The following PDE4D variants were observed in gnomAD, a reference collection of about 807,000 sequenced individuals.
The protein encoded by PDE4D is phosphodiesterase 4D.
A neutral mutation model predicts 87.4 loss-of-function variants in PDE4D; 24 were observed. The observed-to-expected ratio is 0.27, with a 90% CI of 0.20 to 0.39. The LOEUF is 0.39. PDE4D is among the 10% of genes least tolerant of loss of function. PDE4D has a pLI of 1.00. For missense variants in PDE4D, 714 were observed against 1,041.0 expected (o/e 0.69, Z 4.32); for synonymous variants, 384 against 383.2 (o/e 1.00, Z -0.02).
chr5:59,036,380 A>G lies in PDE4D; in HGVS notation c.921+2479T>C, dbSNP rs139802647. On this transcript the variant is annotated intron_variant, in intron 6 of 14. Coordinates refer to ENST00000340635, the MANE Select transcript of PDE4D (RefSeq NM_001104631.2). ...TCAGTTTGAACACGTGTATGTAAAA[A>G]GAATGGATGGTAATAAAACTAACAA... is the stretch of plus-strand genomic sequence containing the variant. Among the ~76,000 whole-genome samples the G allele has an allele frequency of 8.8e-3, 1,348 of 152,374 alleles. 15 individuals are homozygous for G. The highest frequency in any genetic ancestry group is 0.012 in the Non-Finnish European group (828 of 68,036).
chr5:60,429,017 C>A (rs888954649), intron 1 of PDE4D, among the ~76,000 whole-genome samples: 1 of 152,138 alleles, frequency 6.6e-6, no homozygotes, highest in Non-Finnish European at 1.5e-5. Context: ...TGATTATTGT[C>A]CCAATGTGAC....
chr5:59,557,426 T>C (rs1275742095), intron 1 of PDE4D, among the ~76,000 whole-genome samples: 2 of 152,176 alleles, frequency 1.3e-5, no homozygotes, highest in Non-Finnish European at 2.9e-5. Flanking sequence ...CTAGAATCTT[T>C]ATATGCCACC....
intron 1 of PDE4D, among the ~76,000 whole-genome samples, chr5:60,257,771 C>A (rs1749246028): frequency 6.6e-6 from 1 of 151,960 alleles, no homozygotes; most frequent in Admixed American, 6.6e-5. Flanking sequence ...GCAATCCCAG[C>A]TGCAGAAGGA....
intron 2 of PDE4D, among the ~76,000 whole-genome samples, chr5:60,180,349 A>G (rs1470276232): frequency 6.6e-6 from 1 of 152,182 alleles, no homozygotes; most frequent in African/African-American, 2.4e-5. Flanking sequence ...TTTCTGCAAC[A>G]ATGAGCATAA....
chr5:60,440,314 A>G (rs1745101644), intron 1 of PDE4D, among the ~76,000 whole-genome samples: 1 of 152,162 alleles, frequency 6.6e-6, no homozygotes, highest in Non-Finnish European at 1.5e-5. Context: ...TTATGTTTGG[A>G]GAACTTTCCT....
intron 3 of PDE4D, among the ~76,000 whole-genome samples, chr5:59,965,250 T>A (rs895301014): frequency 6.6e-6 from 1 of 152,114 alleles, no homozygotes; most frequent in Non-Finnish European, 1.5e-5. Flanking sequence ...AACCATGCTG[T>A]TAATTCCTCA....
rs1299544063 is a variant in PDE4D, at chr5:60,362,985, G to T, written c.-90+124957C>A. Among the ~76,000 whole-genome samples, 4 of 152,212 alleles carry T rather than the reference G, an allele frequency of 2.6e-5. No individual in the cohort carries two copies. The East Asian group carries it at 7.7e-4, about 29-fold the overall frequency. On this transcript the variant is annotated intron_variant, in intron 1 of 16. Transcript: ENST00000502484. ...TATATGAGTAACCACAGAGTTTCAG[G>T]GTTTAAAAACTGTCTCTAGCTGTGC...
intron 2 of PDE4D, among the ~76,000 whole-genome samples, chr5:60,184,493 C>G (rs987392500): frequency 6.6e-6 from 1 of 152,070 alleles, no homozygotes; most frequent in Non-Finnish European, 1.5e-5. Context: ...AAACACCAAC[C>G]AGTAAAACAC....
intron 1 of PDE4D, among the ~76,000 whole-genome samples, chr5:60,243,539 T>A (rs563187587): frequency 6.6e-6 from 1 of 152,140 alleles, no homozygotes; most frequent in East Asian, 1.9e-4. Context: ...ATATCACTGA[T>A]GAATATTGAT....
At chr5:59,356,889 A>G in intron 1 of PDE4D, 1 of 1,509,368 alleles carries the variant, frequency 6.6e-7, no homozygotes, top group Non-Finnish European at 8.7e-7. Context: ...ACGAGAAGTC[A>G]GAGCTGGTGC....
At chr5:59,927,771 T>C (rs1755450675) in intron 3 of PDE4D, among the ~76,000 whole-genome samples, 1 of 152,210 alleles carries the variant, frequency 6.6e-6, no homozygotes, top group Non-Finnish European at 1.5e-5. Flanking sequence ...AAAACAAAAC[T>C]GCAAGCTGAT....
intron 1 of PDE4D, among the ~76,000 whole-genome samples, chr5:59,337,780 A>G (rs1374068350): frequency 1.3e-5 from 2 of 152,154 alleles, no homozygotes; most frequent in East Asian, 1.9e-4. Flanking sequence ...TGATTTCACA[A>G]TGTCACGTTG....
intron 1 of PDE4D, among the ~76,000 whole-genome samples, chr5:60,506,366 A>C (rs1181769646): frequency 3.3e-5 from 5 of 152,240 alleles, no homozygotes; most frequent in Non-Finnish European, 5.9e-5. Context: ...ACTTTGGGAA[A>C]TCCCAAAAAG....
chr5:59,859,312 T>C (rs1350121282), intron 1 of PDE4D, among the ~76,000 whole-genome samples: 1 of 152,174 alleles, frequency 6.6e-6, no homozygotes, highest in Non-Finnish European at 1.5e-5. Context: ...CAGTTCGCTA[T>C]GTTTGATGTA....
At chr5:60,496,686 G>T (rs531542517) in intron 1 of PDE4D, among the ~76,000 whole-genome samples, 1 of 152,236 alleles carries the variant, frequency 6.6e-6, no homozygotes, top group African/African-American at 2.4e-5. Context: ...CTAAGAGTTT[G>T]GTATTATCTC....
chr5:59,662,402 G>A (rs2150292099), intron 1 of PDE4D, among the ~76,000 whole-genome samples: 1 of 152,310 alleles, frequency 6.6e-6, no homozygotes, highest in Non-Finnish European at 1.5e-5. Context: ...AGCAGATGGA[G>A]TGATTATCTG....
chr5:59,550,555 T>C (rs920827499), intron 1 of PDE4D, among the ~76,000 whole-genome samples: 1 of 152,312 alleles, frequency 6.6e-6, no homozygotes, highest in South Asian at 2.1e-4. Flanking sequence ...TTGAATACTC[T>C]TTAGAGAAAA....
intron 2 of PDE4D, among the ~76,000 whole-genome samples, chr5:60,064,689 G>A (rs2152891145): frequency 6.6e-6 from 1 of 152,212 alleles, no homozygotes; most frequent in East Asian, 1.9e-4. Flanking sequence ...AGTTGCATGT[G>A]AAATCAAGTC....
intron 1 of PDE4D, among the ~76,000 whole-genome samples, chr5:59,576,911 G>A (rs535444950): frequency 3.5e-4 from 54 of 152,260 alleles, no homozygotes; most frequent in African/African-American, 1.0e-3. Flanking sequence ...TTTAGGACTT[G>A]TAAGAGGTCT....
Sources: allele counts gnomAD v4.1 joint callset (sites outside exome capture counted in the v4.1 genomes callset), GRCh38; gene constraint gnomAD v4.1.1; transcripts MANE v1.5; gene names NCBI Gene and HGNC (gene_info 2026-07-23, HGNC 2026-07-21).